Variants in SCFD2 observed in about 807,000 individuals in gnomAD.
The protein encoded by SCFD2 is sec1 family domain-containing protein 2.
In SCFD2, 54 loss-of-function variants were observed where a neutral mutation model predicts 58.9. The observed-to-expected ratio is 0.92, with a 90% CI of 0.74 to 1.15. SCFD2 has a LOEUF of 1.15. Ranked by LOEUF, SCFD2 falls within the 50% of genes most tolerant of loss-of-function variation. The probability of loss-of-function intolerance (pLI) is 0.00; values close to 1 mark genes in which losing one functional copy is unlikely to be tolerated. For synonymous variants in SCFD2, 321 were observed against 335.9 expected (o/e 0.96, Z 0.49); for missense variants, 805 against 836.6 (o/e 0.96, Z 0.47).
intron 7 of SCFD2, among the ~76,000 whole-genome samples, chr4:52,898,803 T>C (rs1296477106): frequency 6.6e-6 from 1 of 152,172 alleles, no homozygotes; most frequent in Admixed American, 6.5e-5. Context: ...TCTTTGTAGG[T>C]CTCTAAGGAC....
chr4:53,127,733 C>T lies in SCFD2; in HGVS notation c.1561+17600G>A, dbSNP rs138672194. Among the ~76,000 whole-genome samples, 791 of 152,168 alleles carry T rather than the reference C, an allele frequency of 5.2e-3. 6 individuals are homozygous for T. The highest frequency in any genetic ancestry group is 9.6e-3 in the Non-Finnish European group (655 of 68,014). On this transcript the variant is annotated intron_variant, in intron 5 of 8. Coordinates refer to ENST00000401642, the MANE Select transcript of SCFD2 (RefSeq NM_152540.4). ...TAATATATTTAAGGAACTGCAAGGCCTGTGTCTGGGACAGAGGGAATGAAA... is the reference window on the plus strand; with the variant it reads ...TAATATATTTAAGGAACTGCAAGGCTTGTGTCTGGGACAGAGGGAATGAAA...
intron 5 of SCFD2, among the ~76,000 whole-genome samples, chr4:53,024,646 T>C (rs1722427182): frequency 6.6e-6 from 1 of 152,064 alleles, no homozygotes; most frequent in Admixed American, 6.6e-5. Flanking sequence ...TATTCCCATG[T>C]TTTTTTCAGC....
At chr4:53,304,303 T>C (rs1732441915) in intron 3 of SCFD2, among the ~76,000 whole-genome samples, 1 of 152,190 alleles carries the variant, frequency 6.6e-6, no homozygotes, top group Non-Finnish European at 1.5e-5. Flanking sequence ...CGTTTATGTG[T>C]CTTGGGGTTG....
At chr4:52,886,508 CCTAGCCACAGG>C (rs1196442626) in intron 7 of SCFD2, among the ~76,000 whole-genome samples, 2 of 152,246 alleles carry the variant, frequency 1.3e-5, no homozygotes, top group African/African-American at 4.8e-5. Flanking sequence ...GGCATGCCTG[CCTAGCCACAGG>C]CTAAGCCAGT....
chr4:53,331,558 G>T (rs984594241), intron 2 of SCFD2, among the ~76,000 whole-genome samples: 2 of 152,106 alleles, frequency 1.3e-5, no homozygotes, highest in Non-Finnish European at 2.9e-5. Flanking sequence ...CGAGAACAAA[G>T]ACACAACATA....
At chr4:53,127,743 G>C (rs565330575) in intron 5 of SCFD2, among the ~76,000 whole-genome samples, 1 of 152,074 alleles carries the variant, frequency 6.6e-6, no homozygotes, top group African/African-American at 2.4e-5. Flanking sequence ...CTGTGTCTGG[G>C]ACAGAGGGAA....
At chr4:52,902,750 C>A (rs1719236277) in intron 7 of SCFD2, among the ~76,000 whole-genome samples, 1 of 152,230 alleles carries the variant, frequency 6.6e-6, no homozygotes, top group African/African-American at 2.4e-5. Context: ...CATCCCCGAT[C>A]TATAGATGAT....
intron 4 of SCFD2, among the ~76,000 whole-genome samples, chr4:53,227,495 T>TAAA (rs1461176523): frequency 6.6e-6 from 1 of 152,186 alleles, no homozygotes; most frequent in African/African-American, 2.4e-5. Flanking sequence ...AATCTTGGTA[T>TAAA]AAAAACGGCT....
chr4:53,289,591 C>G (rs1156610176), intron 3 of SCFD2, among the ~76,000 whole-genome samples: 1 of 151,888 alleles, frequency 6.6e-6, no homozygotes, highest in Admixed American at 6.6e-5. Flanking sequence ...AACCAGAAAA[C>G]AATTAACAAA....
chr4:53,007,084 C>T (rs1721984840), intron 5 of SCFD2, among the ~76,000 whole-genome samples: 1 of 151,880 alleles, frequency 6.6e-6, no homozygotes, highest in Non-Finnish European at 1.5e-5. Context: ...AGTTTGAGAC[C>T]AACCTGGGCA....
At chr4:53,077,735 G>T (rs960402926) in intron 5 of SCFD2, among the ~76,000 whole-genome samples, 5 of 152,142 alleles carry the variant, frequency 3.3e-5, no homozygotes, top group Non-Finnish European at 7.3e-5. Flanking sequence ...ACGGCGGCTG[G>T]CCTCATGAAC....
chr4:52,935,235 G>C (rs1361090568), intron 5 of SCFD2, among the ~76,000 whole-genome samples: 2 of 152,182 alleles, frequency 1.3e-5, no homozygotes, highest in African/African-American at 4.8e-5. Context: ...ACAATTGCCT[G>C]TTAAGTGTTG....
chr4:53,094,896 C>G (rs1724573811), intron 5 of SCFD2, among the ~76,000 whole-genome samples: 1 of 152,104 alleles, frequency 6.6e-6, no homozygotes, highest in African/African-American at 2.4e-5. Context: ...GCTGCTATTG[C>G]TTTTGTCACC....
chr4:53,345,168 C>A (rs1284405791), intron 2 of SCFD2, among the ~76,000 whole-genome samples: 4 of 152,110 alleles, frequency 2.6e-5, no homozygotes, highest in African/African-American at 9.7e-5. Context: ...AGGCAACCTA[C>A]AGAATGGGAG....
chr4:53,240,385 A>C (rs1729857467), intron 4 of SCFD2, among the ~76,000 whole-genome samples: 1 of 152,250 alleles, frequency 6.6e-6, no homozygotes, highest in South Asian at 2.1e-4. Context: ...ACATATCAGA[A>C]TCAATGAAAA....
chr4:53,117,215 G>A (rs952653586), intron 5 of SCFD2, among the ~76,000 whole-genome samples: 5 of 152,132 alleles, frequency 3.3e-5, no homozygotes, highest in Admixed American at 2.0e-4. Context: ...CACAAGAGGG[G>A]CCACATTTTA....
chr4:53,101,529 G>C (rs1452158702), intron 5 of SCFD2, among the ~76,000 whole-genome samples: 2 of 152,184 alleles, frequency 1.3e-5, no homozygotes, highest in Non-Finnish European at 2.9e-5. Flanking sequence ...GCTGTACTGA[G>C]ATAGTTGTTT....
intron 3 of SCFD2, among the ~76,000 whole-genome samples, chr4:53,277,199 T>G (rs916066071): frequency 6.6e-6 from 1 of 152,218 alleles, no homozygotes; most frequent in African/African-American, 2.4e-5. Flanking sequence ...GATCTCCTAA[T>G]TAATTCAGCC....
intron 5 of SCFD2, among the ~76,000 whole-genome samples, chr4:53,105,500 G>A (rs1392225299): frequency 1.3e-5 from 2 of 152,156 alleles, no homozygotes; most frequent in African/African-American, 2.4e-5. Context: ...CCTTGGTCGG[G>A]GGAGGGGTGT....
Sources: allele counts gnomAD v4.1 joint callset (sites outside exome capture counted in the v4.1 genomes callset), GRCh38; gene constraint gnomAD v4.1.1; transcripts MANE v1.5; gene names NCBI Gene and HGNC (gene_info 2026-07-23, HGNC 2026-07-21).